The following PTPRD variants were observed in gnomAD, a reference collection of about 807,000 sequenced individuals.
The protein encoded by PTPRD is receptor-type tyrosine-protein phosphatase delta.
Under a neutral mutation model 214.5 loss-of-function variants are expected in PTPRD, and 34 were observed. The ratio of observed to expected loss-of-function variants is 0.16; its 90% CI spans 0.12 to 0.21. PTPRD has a LOEUF of 0.21. Among genes scored for constraint, PTPRD ranks in the 10% least tolerant of loss-of-function variants. PTPRD has a pLI of 1.00. For synonymous variants in PTPRD, 1,128 were observed against 845.7 expected, an observed-to-expected ratio of 1.33 and a Z score of -5.79; for missense variants, 2,545 against 2,398.7, an observed-to-expected ratio of 1.06 and a Z score of -1.27.
chr9:8,840,192 G>A (rs917125544), intron 11 of PTPRD, among the ~76,000 whole-genome samples: 2 of 152,148 alleles, frequency 1.3e-5, no homozygotes, highest in African/African-American at 2.4e-5. Context: ...ATTTGATATG[G>A]TTTGGCTATG....
At chr9:8,398,269 G>A (rs2091663118) in intron 36 of PTPRD, among the ~76,000 whole-genome samples, 1 of 152,128 alleles carries the variant, frequency 6.6e-6, no homozygotes, top group Non-Finnish European at 1.5e-5. Flanking sequence ...ATTGTAGGAA[G>A]TAGGTACTAT....
chr9:10,247,654 G>A lies in PTPRD; in HGVS notation c.-545+93309C>T, dbSNP rs561809354. On this transcript the variant is annotated intron_variant, in intron 3 of 45. Coordinates refer to ENST00000381196, the MANE Select transcript of PTPRD (RefSeq NM_002839.4). ...GCACTTAATGTTGGTTTATGGGATTGTAGAAATAAAAGAAAATTCATACAT... is the reference window on the plus strand; with the variant it reads ...GCACTTAATGTTGGTTTATGGGATTATAGAAATAAAAGAAAATTCATACAT... 4.6e-5 allele frequency among the ~76,000 whole-genome samples: 7 copies of A among 152,220 alleles called. No homozygotes were observed. In the South Asian group the frequency reaches 6.2e-4, roughly 14 times the overall value.
intron 4 of PTPRD, among the ~76,000 whole-genome samples, chr9:10,028,717 A>G (rs2096980645): frequency 1.3e-5 from 2 of 152,182 alleles, no homozygotes; most frequent in African/African-American, 2.4e-5. Flanking sequence ...GAAATTTCTA[A>G]GCAGTAAAGC....
intron 9 of PTPRD, among the ~76,000 whole-genome samples, chr9:9,387,632 T>C (rs1212382516): frequency 6.6e-6 from 1 of 152,146 alleles, no homozygotes; most frequent in Non-Finnish European, 1.5e-5. Context: ...TTGTCCATTA[T>C]GGACACTTCA....
intron 5 of PTPRD, among the ~76,000 whole-genome samples, chr9:9,841,177 C>T (rs759694211): frequency 3.9e-5 from 6 of 152,006 alleles, no homozygotes; most frequent in Non-Finnish European, 8.8e-5. Flanking sequence ...TTTGCATCGT[C>T]GGAATCATAC....
chr9:8,320,323 T>C (rs1467066327), intron 44 of PTPRD, among the ~76,000 whole-genome samples: 1 of 152,130 alleles, frequency 6.6e-6, no homozygotes, highest in Non-Finnish European at 1.5e-5. Context: ...CTACTTAATA[T>C]TTTTAAAGTA....
At chr9:9,394,000 G>A (rs1023660704) in intron 9 of PTPRD, among the ~76,000 whole-genome samples, 13 of 152,046 alleles carry the variant, frequency 8.6e-5, no homozygotes, top group South Asian at 2.1e-4. Context: ...CTACTGCCAC[G>A]GAGAAAATCA....
chr9:9,346,853 T>C (rs1340700824), intron 9 of PTPRD, among the ~76,000 whole-genome samples: 1 of 151,944 alleles, frequency 6.6e-6, no homozygotes, highest in Non-Finnish European at 1.5e-5. Context: ...ACACCAAGCC[T>C]AGCTAATTCT....
chr9:9,126,171 G>T (rs544058643), intron 10 of PTPRD, among the ~76,000 whole-genome samples: 18 of 152,212 alleles, frequency 1.2e-4, no homozygotes, highest in Non-Finnish European at 1.9e-4. Context: ...TTTTAAGCAG[G>T]AGGGGGATAT....
At chr9:10,445,815 G>C (rs78874191) in intron 2 of PTPRD, among the ~76,000 whole-genome samples, 2,157 of 152,122 alleles carry the variant, frequency 0.014, 40 homozygotes, top group African/African-American at 0.046. Flanking sequence ...GCATGAAGAA[G>C]TGAAAGCAAG....
chr9:9,046,335 G>C (rs1400206228), intron 10 of PTPRD, among the ~76,000 whole-genome samples: 2 of 152,098 alleles, frequency 1.3e-5, no homozygotes, highest in Non-Finnish European at 2.9e-5. Context: ...TTAAACAATA[G>C]GTTAAAGTGG....
chr9:9,361,208 T>C (rs2056011714), intron 9 of PTPRD, among the ~76,000 whole-genome samples: 1 of 151,160 alleles, frequency 6.6e-6, no homozygotes, highest in Non-Finnish European at 1.5e-5. Flanking sequence ...CTTATAACCA[T>C]TCTTTTCGCA....
At chr9:9,538,733 C>T (rs1004214288) in intron 8 of PTPRD, among the ~76,000 whole-genome samples, 6 of 151,598 alleles carry the variant, frequency 4.0e-5, no homozygotes, top group African/African-American at 1.5e-4. Flanking sequence ...GAATAGTTAC[C>T]AAATTATTTT....
intron 3 of PTPRD, among the ~76,000 whole-genome samples, chr9:10,039,942 A>T (rs973215602): frequency 6.6e-6 from 1 of 152,074 alleles, no homozygotes. Flanking sequence ...ATTTCTAAGG[A>T]AAATATTCAG....
chr9:8,328,977 G>T (rs1836846895), intron 44 of PTPRD, among the ~76,000 whole-genome samples: 1 of 151,902 alleles, frequency 6.6e-6, no homozygotes, highest in South Asian at 2.1e-4. Context: ...TAGTAACATG[G>T]TCCCTTAGCT....
intron 5 of PTPRD, among the ~76,000 whole-genome samples, chr9:9,859,017 G>T (rs765528442): frequency 1.4e-4 from 21 of 152,246 alleles, no homozygotes; most frequent in Non-Finnish European, 2.4e-4. Context: ...GGGACCTATT[G>T]GGAGGTGATT....
intron 3 of PTPRD, among the ~76,000 whole-genome samples, chr9:10,295,699 C>T (rs950225128): frequency 6.6e-6 from 1 of 152,034 alleles, no homozygotes; most frequent in African/African-American, 2.4e-5. Context: ...AAAAGGAATT[C>T]TTCAGATGTA....
chr9:8,356,856 C>G (rs1204510378), intron 39 of PTPRD, among the ~76,000 whole-genome samples: 2 of 152,050 alleles, frequency 1.3e-5, no homozygotes, highest in African/African-American at 2.4e-5. Context: ...AGTAATGTAT[C>G]CAACTGCAAC....
At chr9:8,424,089 C>T (rs1412559147) in intron 35 of PTPRD, among the ~76,000 whole-genome samples, 1 of 152,100 alleles carries the variant, frequency 6.6e-6, no homozygotes, top group Non-Finnish European at 1.5e-5. Flanking sequence ...CTATCCAAAT[C>T]ATTTAAAACT....
Sources: allele counts gnomAD v4.1 joint callset (sites outside exome capture counted in the v4.1 genomes callset), GRCh38; gene constraint gnomAD v4.1.1; transcripts MANE v1.5; gene names NCBI Gene and HGNC (gene_info 2026-07-23, HGNC 2026-07-21).